Variants in VMP1 observed in about 807,000 individuals in gnomAD.
The protein encoded by VMP1 is vacuole membrane protein 1, also known as ectopic P-granules autophagy protein 3 homolog.
A neutral mutation model predicts 56.0 loss-of-function variants in VMP1; 11 were observed. The observed-to-expected ratio is 0.20, with a 90% CI of 0.12 to 0.32. The LOEUF is 0.32. VMP1 is among the 10% of genes least tolerant of loss of function. VMP1 has a pLI of 1.00. For synonymous variants in VMP1, 149 were observed against 165.0 expected (o/e 0.90, Z 0.74); for missense variants, 296 against 490.3 (o/e 0.60, Z 3.74).
At chr17:59,838,057 A>C in intron 10 of VMP1, 1 of 312,022 alleles carries the variant, frequency 3.2e-6, no homozygotes, top group Non-Finnish European at 5.8e-6. Context: ...TGTTGGTGGG[A>C]GAGATTTTGG....
At chr17:59,820,844 ATTC>A (rs1417609817) in intron 10 of VMP1, among the ~76,000 whole-genome samples, 3 of 152,226 alleles carry the variant, frequency 2.0e-5, no homozygotes, top group Admixed American at 6.5e-5. Context: ...TATAGCCCAG[ATTC>A]TTCTATTTCC....
chr17:59,784,347 A>C (rs1372036913), intron 7 of VMP1, among the ~76,000 whole-genome samples: 3 of 151,604 alleles, frequency 2.0e-5, no homozygotes, highest in Non-Finnish European at 2.9e-5. Flanking sequence ...CTACTTTTTC[A>C]GTTTTCTTAC....
chr17:59,710,062 T>TCAC (rs1461836139), intron 1 of VMP1, among the ~76,000 whole-genome samples: 1 of 152,026 alleles, frequency 6.6e-6, no homozygotes, highest in Non-Finnish European at 1.5e-5. Context: ...CCGGGCGTGG[T>TCAC]GGCAGGCGCC....
chr17:59,782,971 G>A (rs959992051), intron 7 of VMP1, among the ~76,000 whole-genome samples: 4 of 152,094 alleles, frequency 2.6e-5, no homozygotes, highest in East Asian at 1.9e-4. Context: ...CAAGGCAGGC[G>A]GATCACGAGG....
At chr17:59,786,745 G>A (rs1386503145) in intron 7 of VMP1, among the ~76,000 whole-genome samples, 1 of 152,142 alleles carries the variant, frequency 6.6e-6, no homozygotes, top group Non-Finnish European at 1.5e-5. Flanking sequence ...GACTCTAGAG[G>A]GTTTGCATTA....
intron 10 of VMP1, among the ~76,000 whole-genome samples, chr17:59,822,430 G>C (rs1227112743): frequency 6.7e-6 from 1 of 149,276 alleles, no homozygotes; most frequent in Non-Finnish European, 1.5e-5. Flanking sequence ...CCGGGTTCAA[G>C]CAATTCTCCT....
chr17:59,796,939 A>C (rs1191650911), intron 7 of VMP1, among the ~76,000 whole-genome samples: 2 of 152,186 alleles, frequency 1.3e-5, no homozygotes, highest in Non-Finnish European at 2.9e-5. Flanking sequence ...TTGTAAATCT[A>C]TACTCACCAG....
intron 9 of VMP1, among the ~76,000 whole-genome samples, chr17:59,812,514 T>G (rs1344935864): frequency 2.0e-5 from 3 of 152,238 alleles, no homozygotes; most frequent in African/African-American, 7.2e-5. Context: ...TATGTGCTTC[T>G]AGAACTGTGA....
chr17:59,820,164 C>T (rs949565554), intron 10 of VMP1, among the ~76,000 whole-genome samples: 3 of 152,132 alleles, frequency 2.0e-5, no homozygotes, highest in Non-Finnish European at 4.4e-5. Flanking sequence ...GCCAAAACTC[C>T]TTACCAGGGT....
Position 59,817,737 on chromosome 17 carries a change from G to A in VMP1, c.938G>A (p.Ser313Asn). 6.2e-7 allele frequency: 1 copy of A among 1,607,268 alleles called. No homozygotes were observed. The highest frequency in any genetic ancestry group is 1.1e-5 in the South Asian group (1 of 89,600). Residue 313 changes from serine (S) to asparagine (N), a missense_variant, in exon 10 of 12, where the codon AGC (serine) becomes AAC (asparagine). This residue lies in a region of VMP1 where 95 missense variants were observed against 137.6 expected (regional missense o/e 0.69). Coordinates refer to ENST00000262291, the MANE Select transcript of VMP1 (RefSeq NM_030938.5). ...IQKIFVIITFSKHIVEQMVAF... is the reference protein window; with the variant it reads ...IQKIFVIITFNKHIVEQMVAF... ...AAAATTTTTGTTATAATAACATTCAGCAAGCACATAGTGGAGCAAATGGTG... is the reference window on the plus strand; with the variant it reads ...AAAATTTTTGTTATAATAACATTCAACAAGCACATAGTGGAGCAAATGGTG...
At chr17:59,817,606 C>T (rs1708834371) in intron 9 of VMP1, 106 bp from the exon 10 acceptor site, 3 of 701,946 alleles carry the variant, frequency 4.3e-6, no homozygotes, top group Non-Finnish European at 7.0e-6. Flanking sequence ...TTAAAAATTG[C>T]AATTAGGGGC....
At chr17:59,711,203 T>G (rs1223812517) in intron 1 of VMP1, among the ~76,000 whole-genome samples, 2 of 152,124 alleles carry the variant, frequency 1.3e-5, no homozygotes, top group Admixed American at 6.5e-5. Flanking sequence ...CTATTATATA[T>G]AGAGCCATTT....
At position 59,808,887 on chromosome 17, in the gene VMP1, T is replaced by G. The variant is rs1343227110; in HGVS notation, c.795+11T>G. The G allele has an allele frequency of 1.2e-6, 2 of 1,611,676 alleles. No homozygotes were observed. The highest frequency in any genetic ancestry group is 1.7e-6 in the Non-Finnish European group (2 of 1,177,890). On this transcript the variant is annotated intron_variant, in intron 8 of 11. Transcript: ENST00000262291. Reference sequence around the variant, plus strand: ...TTGGCCTGTGCTTCAGTAAGTGAATTGTATTAAAACAGAACTTTTACTAAG... The same window carrying G: ...TTGGCCTGTGCTTCAGTAAGTGAATGGTATTAAAACAGAACTTTTACTAAG...
At chr17:59,794,919 T>TAATA (rs924119632) in intron 7 of VMP1, among the ~76,000 whole-genome samples, 2 of 151,402 alleles carry the variant, frequency 1.3e-5, no homozygotes, top group Non-Finnish European at 2.9e-5. Context: ...TCAGGAGAAG[T>TAATA]AATAGCACCC....
At chr17:59,753,051 A>C (rs929017121) in intron 5 of VMP1, among the ~76,000 whole-genome samples, 3 of 152,114 alleles carry the variant, frequency 2.0e-5, no homozygotes, top group Admixed American at 6.5e-5. Flanking sequence ...CAGGAGGATC[A>C]CTTGAGGCCG....
chr17:59,801,091 A>AAAT lies in VMP1; in HGVS notation c.715-7704_715-7703insATA, dbSNP rs1307645697. 5.3e-3 allele frequency among the ~76,000 whole-genome samples: 578 copies of AAAT among 109,252 alleles called. 16 individuals are homozygous for AAAT. The highest frequency in any genetic ancestry group is 0.01 in the East Asian group (41 of 4,000). The allele number at this position is 109,252 out of a possible 152,430, so 71.7% of individuals were successfully genotyped here. Reference sequence around the variant, plus strand: ...CAAGACTCCATCTCGAAAAAAAAAAAATATATATATATATATATATATGTG... The same window carrying AAAT: ...CAAGACTCCATCTCGAAAAAAAAAAAAATATATATATATATATATATATATGTG... On this transcript the variant is annotated intron_variant, in intron 7 of 11. Coordinates refer to ENST00000262291, the MANE Select transcript of VMP1 (RefSeq NM_030938.5).
intron 4 of VMP1, 42 bp from the exon 5 acceptor site, chr17:59,738,795 G>T: frequency 1.5e-6 from 2 of 1,348,376 alleles, no homozygotes; most frequent in Non-Finnish European, 1.1e-6. Flanking sequence ...CCGCATTTCT[G>T]TATAGAGAAT....
chr17:59,742,198 A>G (rs1444305724), intron 5 of VMP1, among the ~76,000 whole-genome samples: 1 of 152,080 alleles, frequency 6.6e-6, no homozygotes, highest in East Asian at 1.9e-4. Flanking sequence ...GAACGCCTAC[A>G]AAACAAAACA....
intron 1 of VMP1, among the ~76,000 whole-genome samples, chr17:59,712,551 C>T (rs987445376): frequency 4.6e-5 from 7 of 152,080 alleles, no homozygotes; most frequent in Non-Finnish European, 7.4e-5. Context: ...TTTTGTGTCC[C>T]AGGCCTTACA....
Sources: gnomAD v4.1 joint callset for allele counts (sites outside exome capture counted in the v4.1 genomes callset) on GRCh38, gnomAD v4.1.1 for gene constraint, gnomAD v4.1.1 regional missense constraint, MANE v1.5 for transcripts, NCBI Gene and HGNC (gene_info 2026-07-23, HGNC 2026-07-21) for gene names.